The following PLBD1 variants were observed in gnomAD, a reference collection of about 807,000 sequenced individuals.
The protein encoded by PLBD1 is phospholipase B domain containing 1, also known as lysosomal leucine aminopeptidase.
Under a neutral mutation model 63.0 loss-of-function variants are expected in PLBD1, and 60 were observed. The ratio of observed to expected loss-of-function variants is 0.95; its 90% CI spans 0.77 to 1.18. The LOEUF (loss-of-function observed/expected upper bound fraction) is 1.18. PLBD1 is among the 50% of genes most tolerant of loss of function. PLBD1 has a pLI of 0.00. For missense variants in PLBD1, 598 were observed against 677.9 expected, an observed-to-expected ratio of 0.88 and a Z score of 1.31; for synonymous variants, 262 against 248.0, an observed-to-expected ratio of 1.06 and a Z score of -0.53.
At chr12:14,555,892 T>C (rs1357680549) in intron 1 of PLBD1, among the ~76,000 whole-genome samples, 1 of 152,186 alleles carries the variant, frequency 6.6e-6, no homozygotes, top group African/African-American at 2.4e-5. Context: ...ACTTACATGC[T>C]TGCCCCTGCT....
At chr12:14,515,920 C>T (rs1481493129) in intron 6 of PLBD1, among the ~76,000 whole-genome samples, 2 of 148,344 alleles carry the variant, frequency 1.3e-5, no homozygotes, top group African/African-American at 5.0e-5. Flanking sequence ...ATTAGCCGGG[C>T]GTGGTGTAGT....
intron 1 of PLBD1, among the ~76,000 whole-genome samples, chr12:14,566,959 G>A (rs1016364928): frequency 2.0e-5 from 3 of 152,114 alleles, no homozygotes; most frequent in African/African-American, 7.2e-5. Context: ...GCTGGGCATG[G>A]TGGCTGACGC....
chr12:14,540,013 CATATAT>C lies in PLBD1; in HGVS notation c.558+745_558+750del, dbSNP rs58124579. 5.9e-3 allele frequency among the ~76,000 whole-genome samples: 135 copies of C among 22,746 alleles called. 1 individual carries two copies. The highest frequency in any genetic ancestry group is 0.013 in the African/African-American group (132 of 10,214). 14.9% of individuals were successfully genotyped at this position (22,746 alleles called of 152,430 possible). ...AAAAAGTTCAAAGAAAAGCTATGCA[CATATAT>C]ATATATATATATATATATATATATA... On this transcript the variant is annotated intron_variant, in intron 4 of 10. Coordinates refer to ENST00000240617, the MANE Select transcript of PLBD1 (RefSeq NM_024829.6).
chr12:14,552,681 G>A (rs7953942), intron 2 of PLBD1, among the ~76,000 whole-genome samples: 138,628 of 152,198 alleles, frequency 0.91, 64,068 homozygotes, highest in East Asian at 0.99. Context: ...TGGGAGGATG[G>A]CTTGAGGTCA....
rs1399182508 is a variant in PLBD1, at chr12:14,511,160, A to G, written c.1186+100T>C. ...ATCCCCATCCTGTCTTCCCCACCAT[A>G]CCCTCCCCCACCACACATTCACACA... On this transcript the variant is annotated intron_variant, in intron 8 of 10. Transcript: ENST00000240617. 2.8e-6 allele frequency: 3 copies of G among 1,067,250 alleles called. No individual in the cohort carries two copies. The African/African-American group carries it at 4.9e-5, about 17-fold the overall frequency. 66.1% of individuals were successfully genotyped at this position (1,067,250 alleles called of 1,614,324 possible). A position where few individuals can be genotyped will look rare whatever the true frequency, so the allele number is the denominator to read the frequency against.
At chr12:14,558,185 T>C (rs548179080) in intron 1 of PLBD1, among the ~76,000 whole-genome samples, 1 of 152,262 alleles carries the variant, frequency 6.6e-6, no homozygotes, top group South Asian at 2.1e-4. Flanking sequence ...TAATCCTGAT[T>C]AAACGCTTAA....
At chr12:14,525,392 C>T (rs868390608) in intron 6 of PLBD1, among the ~76,000 whole-genome samples, 2 of 152,050 alleles carry the variant, frequency 1.3e-5, no homozygotes, top group Admixed American at 1.3e-4. Flanking sequence ...ATTTACAAAG[C>T]CCCAAAGACT....
chr12:14,507,164 G>C (rs973094397), intron 8 of PLBD1, 46 bp from the exon 9 acceptor site: 2 of 1,421,766 alleles, frequency 1.4e-6, no homozygotes. Flanking sequence ...GACAGGGAAG[G>C]AGACAGAAAA....
intron 6 of PLBD1, chr12:14,533,213 TG>T (rs1166495637): frequency 6.6e-6 from 1 of 152,372 alleles, no homozygotes; most frequent in East Asian, 1.9e-4. Flanking sequence ...GAATCCAATG[TG>T]GCTGGTCCCT....
intron 4 of PLBD1, among the ~76,000 whole-genome samples, chr12:14,540,110 T>TTATA (rs71038605): frequency 1.1e-5 from 1 of 91,780 alleles, no homozygotes; most frequent in African/African-American, 4.3e-5. Context: ...TAAATATTAT[T>TTATA]TATATATATA....
rs200233914 is a variant in PLBD1 at position 14,536,627 on chromosome 12, G to T, written c.642C>A (p.Asn214Lys). 1,122 of 1,614,158 alleles carry T rather than the reference G, an allele frequency of 7.0e-4. 20 individuals are homozygous for T. The South Asian group carries it at 0.012, about 17-fold the overall frequency. Residue 214 changes from asparagine to lysine, a missense_variant, in exon 5 of 11, where the codon AAC becomes AAA. Asn to Lys is a moderately conservative substitution (Grantham distance 94). Coordinates refer to ENST00000240617, the MANE Select transcript of PLBD1 (RefSeq NM_024829.6). The stretch of plus-strand genomic sequence containing the variant: ...ATCTCTTAAAAACCTTTAGGCTGCC[G>T]TTTTTTGTGGGAGAGAGTGAGGGAA... The part of the protein sequence containing the change: ...DLIPSLSPTK[N>K]GSLKVFKRWD...
intron 9 of PLBD1, among the ~76,000 whole-genome samples, chr12:14,506,538 T>A (rs1424334278): frequency 6.6e-6 from 1 of 152,212 alleles, no homozygotes; most frequent in Non-Finnish European, 1.5e-5. Context: ...ATCAGCTGTT[T>A]CCAACAAAAT....
chr12:14,522,426 A>G (rs926189968), intron 6 of PLBD1, among the ~76,000 whole-genome samples: 4 of 152,176 alleles, frequency 2.6e-5, no homozygotes, highest in African/African-American at 9.6e-5. Flanking sequence ...GAGTTCTACC[A>G]AACATTAAAG....
intron 1 of PLBD1, among the ~76,000 whole-genome samples, chr12:14,554,983 T>C (rs1343043419): frequency 6.6e-6 from 1 of 152,114 alleles, no homozygotes. Flanking sequence ...TTTGAATCCA[T>C]CCTGGCTTCC....
At chr12:14,512,304 A>G (rs943680314) in intron 6 of PLBD1, among the ~76,000 whole-genome samples, 6 of 151,946 alleles carry the variant, frequency 3.9e-5, no homozygotes, top group African/African-American at 1.5e-4. Context: ...GTGCACCACC[A>G]CACCTGGCTA....
chr12:14,552,802 A>G (rs1274042538), intron 2 of PLBD1, among the ~76,000 whole-genome samples: 1 of 152,246 alleles, frequency 6.6e-6, no homozygotes, highest in South Asian at 2.1e-4. Flanking sequence ...AGTAAGTGCC[A>G]TGAGAATTAA....
intron 6 of PLBD1, among the ~76,000 whole-genome samples, chr12:14,524,109 A>G (rs990636715): frequency 6.6e-6 from 1 of 152,162 alleles, no homozygotes; most frequent in African/African-American, 2.4e-5. Flanking sequence ...ATAAAAGCCG[A>G]TCTCATACAA....
At chr12:14,518,747 G>T (rs551362652) in intron 6 of PLBD1, among the ~76,000 whole-genome samples, 1 of 151,738 alleles carries the variant, frequency 6.6e-6, no homozygotes, top group East Asian at 1.9e-4. Context: ...AATATGCAAG[G>T]CTCTGTGCTC....
intron 6 of PLBD1, among the ~76,000 whole-genome samples, chr12:14,512,154 T>C (rs1401876214): frequency 1.6e-4 from 3 of 19,058 alleles, no homozygotes; most frequent in Non-Finnish European, 3.0e-4. Flanking sequence ...TAAGTCTACT[T>C]TTTTTTTTTT....
Sources: allele counts gnomAD v4.1 joint callset (sites outside exome capture counted in the v4.1 genomes callset), GRCh38; gene constraint gnomAD v4.1.1; transcripts MANE v1.5; gene names NCBI Gene and HGNC (gene_info 2026-07-23, HGNC 2026-07-21).